The following ROBO4 variants were observed in gnomAD, a reference collection of about 807,000 sequenced individuals.
ROBO4 encodes roundabout guidance receptor 4, also known as roundabout homolog 4.
A neutral mutation model predicts 103.3 loss-of-function variants in ROBO4; 80 were observed. The observed-to-expected ratio is 0.77, with a 90% CI of 0.65 to 0.93. The LOEUF is 0.93. Among genes scored for constraint, ROBO4 ranks in the 40% least tolerant of loss-of-function variants. The probability of loss-of-function intolerance (pLI) is 0.00; values close to 1 mark genes in which losing one functional copy is unlikely to be tolerated. For synonymous variants in ROBO4, 504 were observed against 529.7 expected (o/e 0.95, Z 0.67); for missense variants, 1,333 against 1,305.3 (o/e 1.02, Z -0.33).
In ROBO4 at chr11:124,893,854, T is replaced by C; in HGVS notation, c.1504+6A>G. The C allele has an allele frequency of 6.2e-7, 1 of 1,613,128 alleles. No homozygotes were observed. The highest frequency in any genetic ancestry group is 8.5e-7 in the Non-Finnish European group (1 of 1,179,672). ...GTATACATGTGGGTCCCCCTCAGAC[T>C]CTCACCTGGGCCCAGGTGCACCCTA... On this transcript the variant is annotated splice_donor_region_variant and intron_variant, in intron 9 of 17. Coordinates refer to ENST00000306534, the MANE Select transcript of ROBO4 (RefSeq NM_019055.6).
intron 12 of ROBO4, among the ~76,000 whole-genome samples, chr11:124,891,014 C>G (rs1432860686): frequency 6.6e-6 from 1 of 152,214 alleles, no homozygotes; most frequent in Non-Finnish European, 1.5e-5. Flanking sequence ...TGCAGTGGTG[C>G]TTATTAAACG....
chr11:124,887,503 G>A lies in ROBO4; in HGVS notation c.2057-4C>T. On this transcript the variant is annotated splice_polypyrimidine_tract_variant and splice_region_variant and intron_variant, in intron 13 of 17. Transcript: ENST00000306534. ...ACCAGAGCTTGGGGCACAGCTCCTG[G>A]GGAAGAGAAGCCTGGGTGTGAGAAC... 6.2e-7 allele frequency: 1 copy of A among 1,613,536 alleles called. No homozygotes were observed.
chr11:124,892,127 G>A, intron 10 of ROBO4: 1 of 537,210 alleles, frequency 1.9e-6, no homozygotes, highest in South Asian at 1.6e-5. Context: ...TCACAGCTTA[G>A]CTTGGGTAAG....
At chr11:124,897,704 C>G (rs1481341048) in intron 1 of ROBO4, 22 bp downstream of exon 1, 1 of 1,612,264 alleles carries the variant, frequency 6.2e-7, no homozygotes, top group Non-Finnish European at 8.5e-7. Context: ...GAGCATGGGC[C>G]AGGAGAGGGA....
At chr11:124,893,512 T>C (rs1220532440) in intron 10 of ROBO4, among the ~76,000 whole-genome samples, 176 bp downstream of exon 10, 1 of 152,118 alleles carries the variant, frequency 6.6e-6, no homozygotes, top group African/African-American at 2.4e-5. Flanking sequence ...TGTCAAGTGG[T>C]GTGATAGGAA....
chr11:124,894,664 C>T (rs2135377632), intron 7 of ROBO4, among the ~76,000 whole-genome samples: 2 of 152,306 alleles, frequency 1.3e-5, no homozygotes, highest in South Asian at 4.1e-4. Context: ...TTGCCAGGCC[C>T]ATCTCTGAGT....
At chr11:124,892,061 T>C in intron 10 of ROBO4, 1 of 669,938 alleles carries the variant, frequency 1.5e-6, no homozygotes, top group Non-Finnish European at 2.7e-6. Flanking sequence ...GACAGCTATG[T>C]ATGCTGAGGT....
chr11:124,887,948 CAGAGA>C (rs1946743773), intron 12 of ROBO4, 108 bp from the exon 13 acceptor site: 5 of 867,096 alleles, frequency 5.8e-6, no homozygotes, highest in Non-Finnish European at 7.0e-6. Context: ...ACCCTGAACC[CAGAGA>C]AAAGAGGGGG....
chr11:124,894,728 T>C (rs908349520), intron 7 of ROBO4, among the ~76,000 whole-genome samples: 1 of 152,180 alleles, frequency 6.6e-6, no homozygotes, highest in Admixed American at 6.5e-5. Flanking sequence ...CCTAACAAGG[T>C]CCTGGGTGAG....
intron 12 of ROBO4, among the ~76,000 whole-genome samples, chr11:124,891,096 G>A (rs11219830): frequency 0.11 from 17,411 of 152,234 alleles, 1,315 homozygotes; most frequent in East Asian, 0.27. Flanking sequence ...AGAGCACAGT[G>A]CAAAAAGCTG....
intron 7 of ROBO4, 25 bp downstream of exon 7, chr11:124,895,056 G>C (rs1591536218): frequency 6.6e-7 from 1 of 1,505,942 alleles, no homozygotes; most frequent in Non-Finnish European, 9.2e-7. Context: ...GCAGTAGGAA[G>C]GGCTATGACA....
Position 124,894,022 on chromosome 11 carries a change from G to C in ROBO4, c.1342C>G (p.Gln448Glu). 6.4e-7 allele frequency: 1 copy of C among 1,554,656 alleles called. No individual in the cohort carries two copies. The highest frequency in any genetic ancestry group is 1.4e-5 in the African/African-American group (1 of 73,482). Residue 448 changes from glutamine (Q) to glutamate (E), a missense_variant, in exon 9 of 18, where the codon CAA becomes GAA. Coordinates refer to ENST00000306534, the MANE Select transcript of ROBO4 (RefSeq NM_019055.6). ...CAGGGACCATGCTCACTGGGTTCTT[G>C]GGTGGCTCGCTCCATGGCCTGCTCT... ...LLEQAMERAT[Q>E]EPSEHGPWTL...
At chr11:124,894,158 T>G (rs1946843160) in intron 8 of ROBO4, 43 bp downstream of exon 8, 1 of 1,572,960 alleles carries the variant, frequency 6.4e-7, no homozygotes, top group Non-Finnish European at 8.6e-7. Context: ...GAAGGCGGGA[T>G]GCAGGCTGAA....
At chr11:124,886,859 G>T (rs1946722595) in intron 15 of ROBO4, 37 bp from the exon 16 acceptor site, 1 of 1,528,612 alleles carries the variant, frequency 6.5e-7, no homozygotes, top group African/African-American at 1.4e-5. Context: ...CAATGGTTTG[G>T]GTGGAATGAG....
At chr11:124,887,625 C>T in intron 13 of ROBO4, 108 bp downstream of exon 13, 2 of 1,541,144 alleles carry the variant, frequency 1.3e-6, no homozygotes, top group South Asian at 2.3e-5. Context: ...TCATCAGCCT[C>T]CTCAGGGAAA....
At chr11:124,896,358 G>T (rs1372190201) in intron 3 of ROBO4, 40 bp from the exon 4 acceptor site, 2 of 1,610,880 alleles carry the variant, frequency 1.2e-6, no homozygotes, top group African/African-American at 2.7e-5. Flanking sequence ...CCTATGTGGG[G>T]AGGGGCTCTG....
chr11:124,884,942 C>A (rs867465221), intron 17 of ROBO4, 29 bp from the exon 18 acceptor site: 1 of 1,614,192 alleles, frequency 6.2e-7, no homozygotes, highest in Non-Finnish European at 8.5e-7. Flanking sequence ...ATCTCCCTTG[C>A]TCCTTATCTC....
chr11:124,884,414 G>A lies in ROBO4; in HGVS notation c.*477C>T, dbSNP rs573897550. Reference sequence around the variant, plus strand: ...TTCATAATTATTTTCTTTCCATGGTGAGGTTGGGAGAGAGTTGAGCTCTTC... The same window carrying A: ...TTCATAATTATTTTCTTTCCATGGTAAGGTTGGGAGAGAGTTGAGCTCTTC... On this transcript the variant is annotated 3_prime_UTR_variant, in exon 18 of 18. Coordinates refer to ENST00000306534, the MANE Select transcript of ROBO4 (RefSeq NM_019055.6). 2.6e-4 allele frequency: 46 copies of A among 174,680 alleles called. No homozygotes were observed. The highest frequency in any genetic ancestry group is 2.6e-3 in the Middle Eastern group (1 of 382). 10.8% of individuals were successfully genotyped at this position (174,680 alleles called of 1,614,324 possible).
At chr11:124,892,317 T>C (rs1946812786) in intron 10 of ROBO4, 2 of 317,844 alleles carry the variant, frequency 6.3e-6, no homozygotes, top group South Asian at 2.8e-5. Context: ...TCTGGCTGCC[T>C]GAGTGATCCT....
Sources: gnomAD v4.1 joint callset for allele counts (sites outside exome capture counted in the v4.1 genomes callset) on GRCh38, gnomAD v4.1.1 for gene constraint, MANE v1.5 for transcripts, NCBI Gene and HGNC (gene_info 2026-07-23, HGNC 2026-07-21) for gene names.